PTCH1: variants seen among roughly 807,000 people sequenced by gnomAD.
PTCH1 encodes protein patched homolog 1.
Under a neutral mutation model 144.6 loss-of-function variants are expected in PTCH1, and 14 were observed. The ratio of observed to expected loss-of-function variants is 0.10; its 90% CI spans 0.06 to 0.15. The LOEUF is 0.15. Among genes scored for constraint, PTCH1 ranks in the 10% least tolerant of loss-of-function variants. PTCH1 has a pLI of 1.00. For synonymous variants in PTCH1, 833 were observed against 793.6 expected, an observed-to-expected ratio of 1.05 and a Z score of -0.83; for missense variants, 1,623 against 1,948.3, an observed-to-expected ratio of 0.83 and a Z score of 3.14.
chr9:95,446,617 A>G, intron 23 of PTCH1: 1 of 523,240 alleles, frequency 1.9e-6, no homozygotes, highest in Non-Finnish European at 3.5e-6. Flanking sequence ...GCACCTCCAT[A>G]AAGACTGGCA....
chr9:95,507,881 G>T lies in PTCH1; in HGVS notation c.201+280C>A, dbSNP rs933604805. The T allele has an allele frequency of 1.8e-5, 23 of 1,261,656 alleles. No homozygotes were observed. The Admixed American group carries it at 7.3e-4, about 40-fold the overall frequency. 78.2% of individuals were successfully genotyped at this position (1,261,656 alleles called of 1,614,324 possible). A position where few individuals can be genotyped will look rare whatever the true frequency, so the allele number is the denominator to read the frequency against. On this transcript the variant is annotated intron_variant, in intron 1 of 23. Transcript: ENST00000331920. Reference sequence around the variant, plus strand: ...GACGGCTTTCCAGTGCTCCGGAAAAGGCACACCAGGGAGGGCGTGTGTATA... The same window carrying T: ...GACGGCTTTCCAGTGCTCCGGAAAATGCACACCAGGGAGGGCGTGTGTATA...
At chr9:95,507,973 G>C in intron 1 of PTCH1, 188 bp downstream of exon 1, 1 of 1,488,762 alleles carries the variant, frequency 6.7e-7, no homozygotes, top group Non-Finnish European at 8.9e-7. Flanking sequence ...TTTCCTCCCA[G>C]GACCAGAGGG....
At chr9:95,515,692 T>C (rs1844332027) in intron 1 of PTCH1, among the ~76,000 whole-genome samples, 1 of 152,144 alleles carries the variant, frequency 6.6e-6, no homozygotes, top group African/African-American at 2.4e-5. Context: ...ACTGGGCTGG[T>C]CGCCCATCTC....
At position 95,508,546 on chromosome 9, in the gene PTCH1, GCGCTGCTGC is replaced by G. The variant is rs1200334132; in HGVS notation, c.-194_-186del. On this transcript the variant is annotated 5_prime_UTR_variant, in exon 1 of 24. Transcript: ENST00000331920. ...GCCGCTGCTGCTGCTCACACGGCGG[GCGCTGCTGC>G]CGCTGCGGCCGCGGCCGCTGCCGGG... 4.0e-5 allele frequency: 40 copies of G among 1,008,996 alleles called. No individual in the cohort carries two copies. The highest frequency in any genetic ancestry group is 4.6e-5 in the South Asian group (1 of 21,888). 62.5% of individuals were successfully genotyped at this position (1,008,996 alleles called of 1,614,324 possible). A position where few individuals can be genotyped will look rare whatever the true frequency, so the allele number is the denominator to read the frequency against.
In PTCH1 at chr9:95,478,197, A is replaced by G. The variant is rs2118340723; in HGVS notation, c.1216-11T>C. 3.1e-6 allele frequency: 5 copies of G among 1,614,208 alleles called. No homozygotes were observed. Among genetic ancestry groups the G allele is most frequent in the Non-Finnish European group, 3.4e-6 (4 of 1,180,036 alleles). On this transcript the variant is annotated splice_polypyrimidine_tract_variant and intron_variant, in intron 8 of 23. Transcript: ENST00000331920. The stretch of plus-strand genomic sequence containing the variant: ...ACTCTGATGAACCACCTGTGGTCAC[A>G]ACAGAATGCGAAATGCCCAAATGCA...
At chr9:95,498,996 G>A (rs1292497278) in intron 2 of PTCH1, among the ~76,000 whole-genome samples, 2 of 152,266 alleles carry the variant, frequency 1.3e-5, no homozygotes, top group African/African-American at 4.8e-5. Flanking sequence ...TCTAAGCAAG[G>A]AAGACCTGAA....
chr9:95,478,286 T>C, intron 8 of PTCH1, 100 bp from the exon 9 acceptor site: 1 of 1,554,180 alleles, frequency 6.4e-7, no homozygotes, highest in Non-Finnish European at 8.8e-7. Context: ...CCTTCTTTTT[T>C]TCTGATGCAT....
Position 95,447,043 on chromosome 9 carries a change from C to T in PTCH1, c.4213G>A (p.Asp1405Asn), listed in dbSNP as rs530172841. 1 of 1,614,176 alleles carries T rather than the reference C, an allele frequency of 6.2e-7. No individual in the cohort carries two copies. Among genetic ancestry groups the T allele is most frequent in the African/African-American group, 1.3e-5 (1 of 75,068 alleles). Residue 1405 changes from aspartate to asparagine, a missense_variant, in exon 23 of 24, where the codon GAC (aspartate) becomes AAC (asparagine). Transcript: ENST00000331920. ...TGGGGGTCCTCAAACAGGCCGTGGT[C>T]AGTCTCAGGGTAGCCTGGGCAGAGT... ...GGLCPGYPETDHGLFEDPHVP... is the reference protein window; with the variant it reads ...GGLCPGYPETNHGLFEDPHVP...
upstream of PTCH1, among the ~76,000 whole-genome samples, chr9:95,510,721 G>A (rs1354214139): frequency 1.3e-5 from 2 of 150,734 alleles, no homozygotes; most frequent in African/African-American, 4.9e-5. Flanking sequence ...TGCGCACGGT[G>A]TATGTTCATT....
At chr9:95,470,404 G>T (rs529186808) in intron 12 of PTCH1, among the ~76,000 whole-genome samples, 1 of 152,284 alleles carries the variant, frequency 6.6e-6, no homozygotes, top group Non-Finnish European at 1.5e-5. Flanking sequence ...AATTTCACAC[G>T]TGTCCCCTGA....
At chr9:95,466,283 G>A (rs1382741552) in intron 15 of PTCH1, among the ~76,000 whole-genome samples, 1 of 152,158 alleles carries the variant, frequency 6.6e-6, no homozygotes, top group Non-Finnish European at 1.5e-5. Flanking sequence ...CTGACCTCAG[G>A]TGATCTGCCC....
chr9:95,468,216 C>T (rs949363683), intron 14 of PTCH1, among the ~76,000 whole-genome samples: 3 of 152,184 alleles, frequency 2.0e-5, no homozygotes, highest in Non-Finnish European at 4.4e-5. Flanking sequence ...ATAGGCACAT[C>T]ACCATGCCCA....
Position 95,457,009 on chromosome 9 carries a change from C to T in PTCH1, c.3169-596G>A, listed in dbSNP as rs117101733. ...GTCATCAGCTGACGCTGTCAGGTTA[C>T]AGGAGCCCTGCACTTTGAAGAGCTG... On this transcript the variant is annotated intron_variant, in intron 18 of 23. Coordinates refer to ENST00000331920, the MANE Select transcript of PTCH1 (RefSeq NM_000264.5). Among the ~76,000 whole-genome samples, 1,263 of 152,266 alleles carry T rather than the reference C, an allele frequency of 8.3e-3. 45 individuals are homozygous for T. The highest frequency in any genetic ancestry group is 0.061 in the Admixed American group (936 of 15,300).
At chr9:95,498,688 T>C (rs1842945431) in intron 2 of PTCH1, among the ~76,000 whole-genome samples, 1 of 152,154 alleles carries the variant, frequency 6.6e-6, no homozygotes, top group Non-Finnish European at 1.5e-5. Context: ...GTGAGTATTA[T>C]CATAAGCACC....
In PTCH1 at chr9:95,476,202, G is replaced by A. The variant is rs1343716346; in HGVS notation, c.1603-43C>T. The A allele has an allele frequency of 6.3e-6, 10 of 1,594,642 alleles. No homozygotes were observed. Among genetic ancestry groups the A allele is most frequent in the African/African-American group, 1.3e-5 (1 of 74,440 alleles). ...CAGCGCTGAGAGCTGCACTGGACAT[G>A]GTCCCCTTGGAGCACAGACTGTGTG... is the stretch of plus-strand genomic sequence containing the variant. On this transcript the variant is annotated intron_variant, in intron 11 of 23. Transcript: ENST00000331920. This position sits in a 1 kb window ranked among gnomAD's most constrained non-coding sequence, Gnocchi z 4.6.
At chr9:95,515,486 C>G (rs2118951530) in intron 1 of PTCH1, among the ~76,000 whole-genome samples, 1 of 152,264 alleles carries the variant, frequency 6.6e-6, no homozygotes, top group African/African-American at 2.4e-5. Context: ...AGATCAGTTT[C>G]CCTGAGAGTG....
intron 16 of PTCH1, among the ~76,000 whole-genome samples, chr9:95,461,355 G>A (rs1839439658): frequency 1.3e-5 from 2 of 152,060 alleles, no homozygotes; most frequent in Admixed American, 6.6e-5. Context: ...CTGGGGCCAG[G>A]GCCACCCAAA....
At chr9:95,463,003 C>T (rs1292841550) in intron 15 of PTCH1, among the ~76,000 whole-genome samples, 2 of 150,496 alleles carry the variant, frequency 1.3e-5, no homozygotes, top group Non-Finnish European at 3.0e-5. Context: ...TCCCCCCACC[C>T]ACCCTTGCCC....
At chr9:95,505,773 C>T (rs1383882567) in intron 2 of PTCH1, among the ~76,000 whole-genome samples, 6 of 151,908 alleles carry the variant, frequency 3.9e-5, no homozygotes, top group Non-Finnish European at 7.4e-5. Context: ...TCCTTCCACC[C>T]CCACCCCGCG....
Sources: allele counts gnomAD v4.1 joint callset (sites outside exome capture counted in the v4.1 genomes callset), GRCh38; gene constraint gnomAD v4.1.1; non-coding constraint Gnocchi (gnomAD v3.1); transcripts MANE v1.5; gene names NCBI Gene and HGNC (gene_info 2026-07-23, HGNC 2026-07-21).